Variants in CMIP observed in about 807,000 individuals in gnomAD.
CMIP encodes c-Maf inducing protein.
A neutral mutation model predicts 97.3 loss-of-function variants in CMIP; 13 were observed. The ratio of observed to expected loss-of-function variants is 0.13; its 90% CI spans 0.09 to 0.21. The LOEUF is 0.21. Ranked by LOEUF, CMIP falls within the 10% of genes least tolerant of loss-of-function variation. The pLI is 1.00. For synonymous variants in CMIP, 538 were observed against 436.3 expected (o/e 1.23, Z -2.91); for missense variants, 847 against 1,024.9 (o/e 0.83, Z 2.37).
intron 1 of CMIP, among the ~76,000 whole-genome samples, chr16:81,561,091 A>T (rs2090873777): frequency 6.6e-6 from 1 of 152,166 alleles, no homozygotes; most frequent in South Asian, 2.1e-4. Flanking sequence ...AGTAGCTGGG[A>T]TTACAGGCAC....
At chr16:81,531,117 TGGAGGTCATGCG>T (rs140409812) in intron 1 of CMIP, among the ~76,000 whole-genome samples, 8,065 of 152,250 alleles carry the variant, frequency 0.053, 248 homozygotes, top group Middle Eastern at 0.089. Context: ...AAGATCATGC[TGGAGGTCATGCG>T]GGAGGTCATG....
chr16:81,472,263 G>A (rs1907606941), intron 1 of CMIP, among the ~76,000 whole-genome samples: 1 of 152,268 alleles, frequency 6.6e-6, no homozygotes, highest in African/African-American at 2.4e-5. Context: ...GAGATTAGCA[G>A]CAGTGTTTAT....
At chr16:81,530,757 A>G (rs990533585) in intron 1 of CMIP, among the ~76,000 whole-genome samples, 9 of 152,228 alleles carry the variant, frequency 5.9e-5, no homozygotes, top group Admixed American at 3.3e-4. Context: ...CCTCCTCCAG[A>G]TCCATCCAAG....
intron 1 of CMIP, among the ~76,000 whole-genome samples, chr16:81,531,505 C>T (rs1003004505): frequency 1.3e-5 from 2 of 152,186 alleles, no homozygotes; most frequent in African/African-American, 2.4e-5. Context: ...CGACCCTACC[C>T]GTGTTTTGTT....
chr16:81,452,174 A>C lies in CMIP; in HGVS notation c.300+6633A>C, dbSNP rs9927474. Among the ~76,000 whole-genome samples, 461 of 152,334 alleles carry C rather than the reference A, an allele frequency of 3.0e-3. 1 individual carries two copies. The highest frequency in any genetic ancestry group is 0.01 in the African/African-American group (433 of 41,578). On this transcript the variant is annotated intron_variant, in intron 1 of 20. Coordinates refer to ENST00000537098, the MANE Select transcript of CMIP (RefSeq NM_198390.3). ...GGGTGTGCAGTGAGGCCACAGGAAGAGAACACGGCAGACCCAGTGGAGTAG... is the reference window on the plus strand; with the variant it reads ...GGGTGTGCAGTGAGGCCACAGGAAGCGAACACGGCAGACCCAGTGGAGTAG...
chr16:81,501,759 A>G (rs560920064), intron 1 of CMIP, among the ~76,000 whole-genome samples: 3 of 152,132 alleles, frequency 2.0e-5, no homozygotes, highest in South Asian at 4.1e-4. Flanking sequence ...TTACAGGTGC[A>G]TGCCACCATA....
chr16:81,485,060 G>A (rs971657009), intron 1 of CMIP, among the ~76,000 whole-genome samples: 2 of 152,152 alleles, frequency 1.3e-5, no homozygotes, highest in African/African-American at 4.8e-5. Flanking sequence ...CCTGATGCCT[G>A]ACTCCACCCC....
At chr16:81,474,434 C>T (rs767948117) in intron 1 of CMIP, among the ~76,000 whole-genome samples, 3 of 152,034 alleles carry the variant, frequency 2.0e-5, no homozygotes, top group East Asian at 1.9e-4. Context: ...TGGTGCTTAC[C>T]GGGGGCCACC....
At chr16:81,577,800 A>G (rs1210010173) in intron 1 of CMIP, among the ~76,000 whole-genome samples, 2 of 136,616 alleles carry the variant, frequency 1.5e-5, no homozygotes, top group African/African-American at 6.5e-5. Flanking sequence ...CACCTTCATC[A>G]TCACCGTCAT....
At chr16:81,505,793 C>A (rs867692580) in intron 1 of CMIP, among the ~76,000 whole-genome samples, 10 of 152,266 alleles carry the variant, frequency 6.6e-5, no homozygotes, top group Middle Eastern at 6.8e-3. Context: ...GAGTTTGAGA[C>A]CAGCCTGACC....
intron 1 of CMIP, among the ~76,000 whole-genome samples, chr16:81,474,343 C>T (rs897429357): frequency 8.5e-5 from 13 of 152,088 alleles, no homozygotes; most frequent in African/African-American, 3.1e-4. Flanking sequence ...CTTCTTTCTC[C>T]TGCACCCTCT....
chr16:81,526,888 A>G (rs914212116), intron 1 of CMIP, among the ~76,000 whole-genome samples: 1 of 152,234 alleles, frequency 6.6e-6, no homozygotes, highest in Non-Finnish European at 1.5e-5. Context: ...CAATATAAGA[A>G]GAGAAATTTT....
intron 3 of CMIP, among the ~76,000 whole-genome samples, chr16:81,623,061 G>A (rs1244733441): frequency 2.6e-5 from 4 of 152,160 alleles, no homozygotes; most frequent in Non-Finnish European, 4.4e-5. Context: ...AAAATTAGCC[G>A]GGCGTAGTGG....
At chr16:81,459,399 C>T (rs374276016) in intron 1 of CMIP, among the ~76,000 whole-genome samples, 3 of 152,226 alleles carry the variant, frequency 2.0e-5, no homozygotes, top group African/African-American at 7.2e-5. Context: ...GCTCCGTGAC[C>T]TCGCTCCGTG....
At chr16:81,699,303 C>T (rs16955754) in intron 14 of CMIP, among the ~76,000 whole-genome samples, 2,821 of 152,234 alleles carry the variant, frequency 0.019, 110 homozygotes, top group African/African-American at 0.064. Context: ...ATCAAGAGAC[C>T]TTAAATTGCA....
intron 4 of CMIP, among the ~76,000 whole-genome samples, chr16:81,656,371 C>G (rs530877965): frequency 3.9e-5 from 6 of 152,368 alleles, no homozygotes; most frequent in African/African-American, 1.4e-4. Flanking sequence ...AACAATCGAT[C>G]TTGCCAACAC....
intron 1 of CMIP, among the ~76,000 whole-genome samples, chr16:81,605,183 A>G (rs2091721659): frequency 1.3e-5 from 2 of 152,236 alleles, no homozygotes; most frequent in Non-Finnish European, 2.9e-5. Context: ...AGAACAGTGC[A>G]CGGGATGCTG....
chr16:81,576,018 C>G (rs2091182700), intron 1 of CMIP, among the ~76,000 whole-genome samples: 1 of 152,174 alleles, frequency 6.6e-6, no homozygotes, highest in South Asian at 2.1e-4. Context: ...TCATCTAATT[C>G]CTGTAACAAC....
At chr16:81,557,280 G>C (rs1209628420) in intron 1 of CMIP, among the ~76,000 whole-genome samples, 1 of 152,188 alleles carries the variant, frequency 6.6e-6, no homozygotes, top group Admixed American at 6.5e-5. Flanking sequence ...ATGCATGTTG[G>C]TTGAATTCAC....
Sources: gnomAD v4.1 joint callset for allele counts (sites outside exome capture counted in the v4.1 genomes callset) on GRCh38, gnomAD v4.1.1 for gene constraint, MANE v1.5 for transcripts, NCBI Gene and HGNC (gene_info 2026-07-23, HGNC 2026-07-21) for gene names.